The following B4GALNT2 variants were observed in gnomAD, a reference collection of about 807,000 sequenced individuals.
B4GALNT2 encodes the protein beta-1,4-N-acetyl-galactosaminyltransferase 2 (SID blood group).
B4GALNT2 carries 42 observed loss-of-function variants against 51.1 expected under a neutral mutation model. The ratio of observed to expected loss-of-function variants is 0.82; its 90% CI spans 0.64 to 1.06. The LOEUF is 1.06. Ranked by LOEUF, B4GALNT2 falls within the 50% of genes least tolerant of loss-of-function variation. The probability of loss-of-function intolerance (pLI) is 0.00; values close to 1 mark genes in which losing one functional copy is unlikely to be tolerated. For missense variants in B4GALNT2, 602 were observed against 633.6 expected (o/e 0.95, Z 0.54); for synonymous variants, 253 against 251.7 (o/e 1.01, Z -0.05).
chr17:49,128,672 C>T (rs1287072049), upstream of B4GALNT2, among the ~76,000 whole-genome samples: 3 of 152,120 alleles, frequency 2.0e-5, no homozygotes, highest in Non-Finnish European at 4.4e-5. Context: ...GTAAAAGGTG[C>T]CATATTTGGG....
Position 49,141,425 on chromosome 17 carries a change from C to A in B4GALNT2, c.193C>A (p.Leu65Ile), listed in dbSNP as rs767284201. Residue 65 changes from leucine to isoleucine, a missense_variant, in exon 2 of 11, where the codon CTC becomes ATC. Transcript: ENST00000393354. The part of the protein sequence containing the change: ...KLLPEERLRN[L>I]FSYDGIWLFP... ...TCTGCCTGAGGAACGTCTCAGGAAC[C>A]TCTTTTCCTACGATGGAATCTGGTG... The A allele has an allele frequency of 6.2e-7, 1 of 1,614,176 alleles. No homozygotes were observed. Among genetic ancestry groups the A allele is most frequent in the Non-Finnish European group, 8.5e-7 (1 of 1,180,028 alleles).
chr17:49,148,553 C>T, intron 3 of B4GALNT2: 3 of 394,064 alleles, frequency 7.6e-6, no homozygotes, highest in East Asian at 6.5e-5. Flanking sequence ...TCTCTGGGGG[C>T]AGATGGAGGT....
At chr17:49,129,559 A>C (rs187144221), upstream of B4GALNT2, among the ~76,000 whole-genome samples, 298 of 152,312 alleles carry the variant, frequency 2.0e-3, 3 homozygotes, top group African/African-American at 5.8e-3. Flanking sequence ...AAACACAAAA[A>C]GTGGCTCAAC....
chr17:49,153,652 A>G lies in B4GALNT2; in HGVS notation c.460+746A>G, dbSNP rs146022002. On this transcript the variant is annotated intron_variant, in intron 4 of 10. Coordinates refer to ENST00000393354, the MANE Select transcript of B4GALNT2 (RefSeq NM_001159387.2). ...CTCCCAAGTAGCTGAGATGACAGGCATCTGCCACCATGCCTGGCTAATTTT... is the reference window on the plus strand; with the variant it reads ...CTCCCAAGTAGCTGAGATGACAGGCGTCTGCCACCATGCCTGGCTAATTTT... Among the ~76,000 whole-genome samples, 929 of 151,402 alleles carry G rather than the reference A, an allele frequency of 6.1e-3. 8 individuals are homozygous for G. Among genetic ancestry groups the G allele is most frequent in the African/African-American group, 0.019 (787 of 41,270 alleles).
At chr17:49,140,628 G>T (rs2042634448) in intron 1 of B4GALNT2, among the ~76,000 whole-genome samples, 1 of 150,308 alleles carries the variant, frequency 6.7e-6, no homozygotes, top group Non-Finnish European at 1.5e-5. Flanking sequence ...ATCTGTTTTG[G>T]TATCATGCAT....
chr17:49,140,530 C>A (rs2042633662), intron 1 of B4GALNT2, among the ~76,000 whole-genome samples: 1 of 152,122 alleles, frequency 6.6e-6, no homozygotes, highest in Non-Finnish European at 1.5e-5. Flanking sequence ...CTCTAACTAT[C>A]TTTGTATTTC....
chr17:49,155,216 T>A (rs2042797210), intron 4 of B4GALNT2, among the ~76,000 whole-genome samples: 1 of 148,388 alleles, frequency 6.7e-6, no homozygotes, highest in South Asian at 2.1e-4. Flanking sequence ...GAGAATTGCT[T>A]GATCCTGGGA....
chr17:49,169,098 TCTGTGTCTC>T (rs2042937894), intron 10 of B4GALNT2, among the ~76,000 whole-genome samples, 198 bp downstream of exon 10: 1 of 151,978 alleles, frequency 6.6e-6, no homozygotes, highest in African/African-American at 2.4e-5. Flanking sequence ...CTCTTTGACT[TCTGTGTCTC>T]CTGTAGGCTG....
chr17:49,164,339 C>A, intron 8 of B4GALNT2, 64 bp downstream of exon 8: 1 of 1,469,674 alleles, frequency 6.8e-7, no homozygotes, highest in Non-Finnish European at 9.5e-7. Context: ...GGGTCAGGTT[C>A]TACCCTGGAT....
intron 8 of B4GALNT2, among the ~76,000 whole-genome samples, chr17:49,164,832 T>C (rs958283219): frequency 1.3e-5 from 2 of 151,930 alleles, no homozygotes; most frequent in African/African-American, 4.8e-5. Context: ...TTTTTTGAGA[T>C]GGAGTCTTGC....
chr17:49,130,989 G>C (rs2042534562), upstream of B4GALNT2, among the ~76,000 whole-genome samples: 1 of 152,168 alleles, frequency 6.6e-6, no homozygotes, highest in Non-Finnish European at 1.5e-5. Flanking sequence ...TGATACAGGG[G>C]GTTTGAGGGA....
At chr17:49,167,348 A>G (rs559374259) in intron 9 of B4GALNT2, among the ~76,000 whole-genome samples, 12 of 152,346 alleles carry the variant, frequency 7.9e-5, no homozygotes, top group Non-Finnish European at 1.8e-4. Flanking sequence ...CGTTTCTCGC[A>G]TCGGTTCTAA....
intron 4 of B4GALNT2, among the ~76,000 whole-genome samples, 165 bp from the exon 5 acceptor site, chr17:49,156,398 TAAC>T (rs2042810595): frequency 6.6e-6 from 1 of 152,156 alleles, no homozygotes; most frequent in Non-Finnish European, 1.5e-5. Flanking sequence ...AAACACCACT[TAAC>T]AGAGCCCTGG....
chr17:49,167,380 C>G (rs1467719575), intron 9 of B4GALNT2, among the ~76,000 whole-genome samples: 1 of 152,196 alleles, frequency 6.6e-6, no homozygotes, highest in East Asian at 1.9e-4. Flanking sequence ...TCAGCCAAAA[C>G]TTTGTCACAC....
chr17:49,161,468 A>T, intron 7 of B4GALNT2, among the ~76,000 whole-genome samples: 1 of 151,978 alleles, frequency 6.6e-6, no homozygotes, highest in Non-Finnish European at 1.5e-5. Context: ...GGAGGCGGAG[A>T]TGGGAGGATC....
At chr17:49,152,027 C>G (rs1308690869) in intron 3 of B4GALNT2, among the ~76,000 whole-genome samples, 1 of 151,930 alleles carries the variant, frequency 6.6e-6, no homozygotes, top group African/African-American at 2.4e-5. Context: ...CTGGGTGGGC[C>G]CCTACCGTCT....
At chr17:49,150,082 C>T (rs930994487) in intron 3 of B4GALNT2, among the ~76,000 whole-genome samples, 2 of 151,858 alleles carry the variant, frequency 1.3e-5, no homozygotes, top group Non-Finnish European at 2.9e-5. Context: ...GGGGGGTCAG[C>T]CCCCCACCTG....
chr17:49,135,240 C>T (rs2042579123), intron 1 of B4GALNT2, among the ~76,000 whole-genome samples: 1 of 152,138 alleles, frequency 6.6e-6, no homozygotes, highest in Non-Finnish European at 1.5e-5. Context: ...TTCTGAGCTT[C>T]GGTTTGTTCC....
At chr17:49,132,955 C>T in intron 1 of B4GALNT2, 149 bp downstream of exon 1, 1 of 1,401,814 alleles carries the variant, frequency 7.1e-7, no homozygotes, top group East Asian at 3.0e-5. Flanking sequence ...TTAAGTCCAA[C>T]CGGTTCCCCG....
Sources: allele counts gnomAD v4.1 joint callset (sites outside exome capture counted in the v4.1 genomes callset), GRCh38; gene constraint gnomAD v4.1.1; transcripts MANE v1.5; gene names NCBI Gene and HGNC (gene_info 2026-07-23, HGNC 2026-07-21).